The following AFAP1L1 variants were observed in gnomAD, a reference collection of about 807,000 sequenced individuals.
The protein encoded by AFAP1L1 is actin filament associated protein 1 like 1, also known as actin filament-associated protein 1-like 1.
A neutral mutation model predicts 99.8 loss-of-function variants in AFAP1L1; 77 were observed. That is an observed-to-expected ratio of 0.77 (90% CI 0.64 to 0.93). The LOEUF is 0.93. Ranked by LOEUF, AFAP1L1 falls within the 40% of genes least tolerant of loss-of-function variation. The pLI, the probability that AFAP1L1 is intolerant of heterozygous loss-of-function variation, is 0.00. For synonymous variants in AFAP1L1, 373 were observed against 395.3 expected, an observed-to-expected ratio of 0.94 and a Z score of 0.67; for missense variants, 893 against 996.8, an observed-to-expected ratio of 0.90 and a Z score of 1.40.
rs540186380 is a variant in AFAP1L1 at position 149,320,291 on chromosome 5, A to C, written c.1626-100A>C. On this transcript the variant is annotated intron_variant, in intron 13 of 18. Transcript: ENST00000296721. This position sits in a 1 kb window ranked among gnomAD's most constrained non-coding sequence, Gnocchi z 4.0. ...TTTACCAATCTTCTGATCTGCCTTA[A>C]GAGTTTCTGCCAGAATCAATGAGAG... The C allele has an allele frequency of 1.1e-3, 1,258 of 1,184,770 alleles. 26 individuals carry two copies. The South Asian group carries it at 0.015, about 14-fold the overall frequency. The allele number at this position is 1,184,770 out of a possible 1,614,324, so 73.4% of individuals were successfully genotyped here.
Position 149,320,559 on chromosome 5 carries a change from T to G in AFAP1L1, c.1698+96T>G. 8.4e-7 allele frequency: 1 copy of G among 1,191,844 alleles called. No individual in the cohort carries two copies. Among genetic ancestry groups the G allele is most frequent in the Non-Finnish European group, 1.2e-6 (1 of 814,682 alleles). 73.8% of individuals were successfully genotyped at this position (1,191,844 alleles called of 1,614,324 possible). A position where few individuals can be genotyped will look rare whatever the true frequency, so the allele number is the denominator to read the frequency against. ...TTACCTTCTGCCTCAGAAAGATCAT[T>G]TTCATTTAAGCAGCAGTAGCTAGAA... On this transcript the variant is annotated intron_variant, in intron 14 of 18. Coordinates refer to ENST00000296721, the MANE Select transcript of AFAP1L1 (RefSeq NM_152406.4). This position sits in a 1 kb window ranked among gnomAD's most constrained non-coding sequence, Gnocchi z 4.0.
At chr5:149,309,875 C>T in intron 7 of AFAP1L1, 81 bp from the exon 8 acceptor site, 1 of 1,583,916 alleles carries the variant, frequency 6.3e-7, no homozygotes. Flanking sequence ...GGTCGGGCTT[C>T]CCCCGAGCCT....
At chr5:149,339,523 G>C (rs1342005297) in intron 18 of AFAP1L1, among the ~76,000 whole-genome samples, 2 of 152,130 alleles carry the variant, frequency 1.3e-5, no homozygotes, top group Non-Finnish European at 2.9e-5. Context: ...ACTGAAATTT[G>C]AATTTCGTAT....
intron 1 of AFAP1L1, among the ~76,000 whole-genome samples, chr5:149,295,573 TAAAAC>T (rs1354158878): frequency 4.2e-5 from 4 of 95,272 alleles, no homozygotes; most frequent in Non-Finnish European, 8.8e-5. Flanking sequence ...GAGGGAAAAA[TAAAAC>T]GAAAAAAGAA....
intron 15 of AFAP1L1, among the ~76,000 whole-genome samples, chr5:149,323,294 A>G: frequency 6.6e-6 from 1 of 152,222 alleles, no homozygotes; most frequent in African/African-American, 2.4e-5. Flanking sequence ...GCCACAGCTC[A>G]CCTTGGTGTC....
chr5:149,292,262 G>A (rs1581300990), intron 1 of AFAP1L1, among the ~76,000 whole-genome samples: 1 of 152,142 alleles, frequency 6.6e-6, no homozygotes, highest in Non-Finnish European at 1.5e-5. Context: ...TTATCTTTGC[G>A]ATCTCTAAAT....
intron 15 of AFAP1L1, among the ~76,000 whole-genome samples, chr5:149,324,588 A>G (rs1275384760): frequency 6.6e-6 from 1 of 152,262 alleles, no homozygotes; most frequent in Non-Finnish European, 1.5e-5. Context: ...AAGCAGGAAC[A>G]TGTGTTATGT....
intron 6 of AFAP1L1, 133 bp downstream of exon 6, chr5:149,306,537 C>A: frequency 3.8e-6 from 3 of 798,384 alleles, no homozygotes; most frequent in Non-Finnish European, 5.8e-6. Context: ...GAGGCCCCAA[C>A]ACCCTTGTTT....
intron 1 of AFAP1L1, among the ~76,000 whole-genome samples, chr5:149,297,037 C>G (rs914908100): frequency 6.6e-6 from 1 of 152,100 alleles, no homozygotes; most frequent in Non-Finnish European, 1.5e-5. Context: ...TCCCATGATA[C>G]GTGGGGATTC....
intron 16 of AFAP1L1, among the ~76,000 whole-genome samples, 179 bp from the exon 17 acceptor site, chr5:149,332,516 A>G (rs1289495067): frequency 1.3e-5 from 2 of 152,178 alleles, no homozygotes; most frequent in East Asian, 3.9e-4. Context: ...ACCTCATCTC[A>G]TTATGGAGCT....
chr5:149,322,584 G>C, intron 14 of AFAP1L1, 22 bp from the exon 15 acceptor site: 5 of 1,547,584 alleles, frequency 3.2e-6, no homozygotes, highest in Non-Finnish European at 4.4e-6. Flanking sequence ...GAACTTGACT[G>C]TCTTCCTCCA....
chr5:149,296,281 ACCTCAG>A (rs1475294454), intron 1 of AFAP1L1, among the ~76,000 whole-genome samples: 1 of 152,204 alleles, frequency 6.6e-6, no homozygotes, highest in Admixed American at 6.5e-5. Context: ...TGATTCGCCC[ACCTCAG>A]CCTCCCAAAA....
intron 1 of AFAP1L1, among the ~76,000 whole-genome samples, chr5:149,286,286 AACAGAC>A (rs1338272690): frequency 2.0e-5 from 3 of 152,178 alleles, no homozygotes; most frequent in African/African-American, 7.2e-5. Flanking sequence ...CAGATGTGGA[AACAGAC>A]ACAGAGAAGT....
chr5:149,279,646 T>C (rs761284148), intron 1 of AFAP1L1, among the ~76,000 whole-genome samples: 1 of 152,250 alleles, frequency 6.6e-6, no homozygotes, highest in East Asian at 1.9e-4. Context: ...TCTCATTGTT[T>C]ATAAAACATC....
chr5:149,329,029 G>C (rs1369773665), intron 15 of AFAP1L1, among the ~76,000 whole-genome samples: 1 of 152,092 alleles, frequency 6.6e-6, no homozygotes, highest in Non-Finnish European at 1.5e-5. Flanking sequence ...CCTGACTGTA[G>C]TCCAAAGTCT....
chr5:149,324,633 G>T (rs965795631), intron 15 of AFAP1L1, among the ~76,000 whole-genome samples: 2 of 152,186 alleles, frequency 1.3e-5, no homozygotes, highest in African/African-American at 4.8e-5. Flanking sequence ...TCTCCAAATG[G>T]CTTGGATAGA....
intron 1 of AFAP1L1, among the ~76,000 whole-genome samples, chr5:149,297,117 G>T (rs1756043556): frequency 6.6e-6 from 1 of 152,174 alleles, no homozygotes; most frequent in Admixed American, 6.5e-5. Context: ...TCTGTTGAGG[G>T]CGCTAGAGAG....
chr5:149,319,978 C>T (rs1023663725), intron 13 of AFAP1L1, among the ~76,000 whole-genome samples: 3 of 152,220 alleles, frequency 2.0e-5, no homozygotes, highest in African/African-American at 7.2e-5. Context: ...GAGTAGTGGC[C>T]TGGGCTCTGC....
chr5:149,308,078 G>C (rs2127596334), intron 7 of AFAP1L1, among the ~76,000 whole-genome samples: 1 of 151,656 alleles, frequency 6.6e-6, no homozygotes, highest in African/African-American at 2.4e-5. Context: ...GAAACCAGAA[G>C]GCTGAGGTTG....
Sources: allele counts gnomAD v4.1 joint callset (sites outside exome capture counted in the v4.1 genomes callset), GRCh38; gene constraint gnomAD v4.1.1; non-coding constraint Gnocchi (gnomAD v3.1); transcripts MANE v1.5; gene names NCBI Gene and HGNC (gene_info 2026-07-23, HGNC 2026-07-21).